The following PLD5 variants were observed in gnomAD, a reference collection of about 807,000 sequenced individuals.
The protein encoded by PLD5 is inactive phospholipase D5.
Under a neutral mutation model 61.1 loss-of-function variants are expected in PLD5, and 36 were observed. That is an observed-to-expected ratio of 0.59 (90% CI 0.45 to 0.78). The LOEUF (loss-of-function observed/expected upper bound fraction) is 0.78, where lower values mean the gene tolerates loss of function less well. PLD5 is among the 30% of genes least tolerant of loss of function. PLD5 has a pLI of 0.00. For synonymous variants in PLD5, 243 were observed against 242.8 expected, an observed-to-expected ratio of 1.00 and a Z score of -0.01; for missense variants, 515 against 644.4, an observed-to-expected ratio of 0.80 and a Z score of 2.17.
chr1:242,112,986 A>G (rs1661646779), intron 7 of PLD5, among the ~76,000 whole-genome samples: 1 of 151,896 alleles, frequency 6.6e-6, no homozygotes, highest in South Asian at 2.1e-4. Context: ...GCAATGATGA[A>G]TTATTGAAAA....
chr1:242,529,782 C>A, the PLD5 span, among the ~76,000 whole-genome samples: 1 of 63,648 alleles, frequency 1.6e-5, no homozygotes, highest in Admixed American at 1.7e-4. Context: ...CTGGGATCTT[C>A]CTTCCTTCCT....
intron 6 of PLD5, among the ~76,000 whole-genome samples, chr1:242,119,015 ACTT>A (rs1235422788): frequency 1.3e-5 from 2 of 152,160 alleles, no homozygotes; most frequent in African/African-American, 4.8e-5. Context: ...TGTGCTGTGT[ACTT>A]CTTTGTTCCA....
intron 5 of PLD5, among the ~76,000 whole-genome samples, chr1:242,208,580 A>G (rs547008777): frequency 6.6e-6 from 1 of 152,272 alleles, no homozygotes; most frequent in East Asian, 1.9e-4. Context: ...TAGTTCCGAG[A>G]TTAGATGCAT....
intron 6 of PLD5, 23 bp from the exon 7 acceptor site, chr1:242,114,049 C>T: frequency 1.2e-6 from 2 of 1,605,212 alleles, no homozygotes; most frequent in Non-Finnish European, 1.7e-6. Flanking sequence ...AAAAGCCAAA[C>T]TTTTAGCGTA....
chr1:242,401,144 G>A (rs571656159), intron 1 of PLD5, among the ~76,000 whole-genome samples: 5 of 152,184 alleles, frequency 3.3e-5, no homozygotes, highest in Admixed American at 3.3e-4. Flanking sequence ...CCTCCTGCCA[G>A]AGCCCCAAGC....
chr1:242,487,126 G>T (rs963960121), intron 1 of PLD5, among the ~76,000 whole-genome samples: 1 of 152,036 alleles, frequency 6.6e-6, no homozygotes, highest in Non-Finnish European at 1.5e-5. Context: ...ACGAGTTAAT[G>T]GGTGCAGCAC....
At chr1:242,203,354 AGT>A (rs1669106980) in intron 5 of PLD5, among the ~76,000 whole-genome samples, 2 of 152,008 alleles carry the variant, frequency 1.3e-5, no homozygotes, top group Non-Finnish European at 2.9e-5. Flanking sequence ...CCTGCCTGTG[AGT>A]CTCTGCCAAA....
At chr1:242,529,950 C>G in the PLD5 span, among the ~76,000 whole-genome samples, 2 of 152,144 alleles carry the variant, frequency 1.3e-5, no homozygotes, top group Non-Finnish European at 2.9e-5. Context: ...CGCACCACAA[C>G]CTCCACCTCC....
chr1:242,468,782 A>G (rs1667354133), intron 1 of PLD5, among the ~76,000 whole-genome samples: 1 of 152,292 alleles, frequency 6.6e-6, no homozygotes, highest in Non-Finnish European at 1.5e-5. Flanking sequence ...TCACAAAATA[A>G]TAATAGCAAT....
chr1:242,188,507 G>A (rs964304888), intron 5 of PLD5: 4 of 152,152 alleles, frequency 2.6e-5, no homozygotes, highest in East Asian at 1.9e-4. Flanking sequence ...ACATAAAATC[G>A]AAAGGAAAGA....
At chr1:242,495,583 C>T (rs1200331790) in intron 1 of PLD5, among the ~76,000 whole-genome samples, 2 of 152,016 alleles carry the variant, frequency 1.3e-5, no homozygotes, top group African/African-American at 2.4e-5. Context: ...AATTTTCTTA[C>T]AGACATATTA....
chr1:242,243,155 C>A (rs1241579066), intron 4 of PLD5, among the ~76,000 whole-genome samples: 2 of 152,226 alleles, frequency 1.3e-5, no homozygotes, highest in African/African-American at 4.8e-5. Flanking sequence ...TTGGCACACA[C>A]TTAACACATA....
chr1:242,110,915 A>G (rs1173218411), intron 7 of PLD5, among the ~76,000 whole-genome samples: 2 of 152,246 alleles, frequency 1.3e-5, no homozygotes, highest in Non-Finnish European at 2.9e-5. Context: ...TTACACATTT[A>G]CTAATTTCCT....
intron 4 of PLD5, among the ~76,000 whole-genome samples, chr1:242,249,087 G>C (rs1219902136): frequency 6.6e-6 from 1 of 152,218 alleles, no homozygotes; most frequent in African/African-American, 2.4e-5. Flanking sequence ...CTGAACCCCA[G>C]CTTGGGCAAC....
chr1:242,211,740 G>A (rs1669836468), intron 5 of PLD5, among the ~76,000 whole-genome samples: 1 of 152,186 alleles, frequency 6.6e-6, no homozygotes, highest in African/African-American at 2.4e-5. Flanking sequence ...GGTGAAAAAG[G>A]AACTGCACAG....
At chr1:242,509,007 G>C (rs954103128) in intron 1 of PLD5, among the ~76,000 whole-genome samples, 3 of 152,138 alleles carry the variant, frequency 2.0e-5, no homozygotes, top group Admixed American at 6.5e-5. Flanking sequence ...CTTGAACCCA[G>C]GAGGTGGAGT....
chr1:242,455,858 A>G (rs1666928048), intron 1 of PLD5, among the ~76,000 whole-genome samples: 1 of 152,250 alleles, frequency 6.6e-6, no homozygotes, highest in Admixed American at 6.5e-5. Context: ...GCAGTTATGT[A>G]AAGTTCCACT....
intron 3 of PLD5, among the ~76,000 whole-genome samples, chr1:242,269,661 A>G (rs1673937003): frequency 6.6e-6 from 1 of 152,024 alleles, no homozygotes; most frequent in Admixed American, 6.6e-5. Context: ...ATCTTTGGCT[A>G]AGCAAAGGAA....
At chr1:242,259,038 C>A (rs915904520) in intron 4 of PLD5, among the ~76,000 whole-genome samples, 5 of 152,064 alleles carry the variant, frequency 3.3e-5, no homozygotes, top group African/African-American at 1.2e-4. Flanking sequence ...GACAGATAGT[C>A]AAGAAGCAAT....
Sources: gnomAD v4.1 joint callset for allele counts (sites outside exome capture counted in the v4.1 genomes callset) on GRCh38, gnomAD v4.1.1 for gene constraint, MANE v1.5 for transcripts, NCBI Gene and HGNC (gene_info 2026-07-23, HGNC 2026-07-21) for gene names.